The following MBTD1 variants were observed in gnomAD, a reference collection of about 807,000 sequenced individuals.
MBTD1 encodes the protein MBT domain-containing protein 1.
In MBTD1, 24 loss-of-function variants were observed where a neutral mutation model predicts 87.8. The observed-to-expected ratio is 0.27, with a 90% CI of 0.20 to 0.38. The LOEUF (loss-of-function observed/expected upper bound fraction) is 0.38, where lower values mean the gene tolerates loss of function less well. Among genes scored for constraint, MBTD1 ranks in the 10% least tolerant of loss-of-function variants. MBTD1 has a pLI of 1.00. For missense variants in MBTD1, 436 were observed against 760.2 expected (o/e 0.57, Z 5.02); for synonymous variants, 237 against 248.6 (o/e 0.95, Z 0.44).
chr17:51,246,607 A>T (rs962112842), intron 2 of MBTD1, among the ~76,000 whole-genome samples: 2 of 152,078 alleles, frequency 1.3e-5, no homozygotes, highest in African/African-American at 4.8e-5. Flanking sequence ...TCACTAACAA[A>T]CAATCTTTTC....
At chr17:51,181,982 G>A (rs2050332593) in intron 16 of MBTD1, among the ~76,000 whole-genome samples, 1 of 151,586 alleles carries the variant, frequency 6.6e-6, no homozygotes. Flanking sequence ...AACAGATGAG[G>A]TGGTCTTTTG....
At chr17:51,194,566 CAAAAAAAAA>C (rs71355733) in intron 13 of MBTD1, among the ~76,000 whole-genome samples, 2 of 19,752 alleles carry the variant, frequency 1.0e-4, no homozygotes, top group African/African-American at 2.6e-4. Flanking sequence ...GAGACTGTCT[CAAAAAAAAA>C]AAAAAAAAAA....
In MBTD1 at chr17:51,177,859, T is replaced by C. The variant is rs892525633; in HGVS notation, c.*2717A>G. On this transcript the variant is annotated 3_prime_UTR_variant, in exon 17 of 17. Coordinates refer to ENST00000586178, the MANE Select transcript of MBTD1 (RefSeq NM_017643.3). The stretch of plus-strand genomic sequence containing the variant: ...CAGTTTAATCACAGTATTTTTAAAA[T>C]CCCTTCCCAATATTAAAGGATCATT... 1 of 152,056 alleles carries C rather than the reference T, an allele frequency of 6.6e-6. No individual in the cohort carries two copies. Among genetic ancestry groups the C allele is most frequent in the Admixed American group, 6.6e-5 (1 of 15,244 alleles). 9.4% of individuals were successfully genotyped at this position (152,056 alleles called of 1,614,324 possible). A position where few individuals can be genotyped will look rare whatever the true frequency, so the allele number is the denominator to read the frequency against.
Position 51,206,214 on chromosome 17 carries a change from A to G in MBTD1, c.604+674T>C, listed in dbSNP as rs2051822862. Among the ~76,000 whole-genome samples the G allele has an allele frequency of 2.0e-5, 3 of 152,182 alleles. No individual in the cohort carries two copies. The South Asian group carries it at 6.2e-4, about 32-fold the overall frequency. On this transcript the variant is annotated intron_variant, in intron 7 of 16. Transcript: ENST00000586178. The stretch of plus-strand genomic sequence containing the variant: ...GGGAATAAACAGAACGGAAGAACCC[A>G]AGATATATAAAATTATCAACACTTG...
At chr17:51,202,209 G>A in intron 10 of MBTD1, 132 bp from the exon 11 acceptor site, 3 of 638,812 alleles carry the variant, frequency 4.7e-6, no homozygotes, top group Non-Finnish European at 8.3e-6. Flanking sequence ...TTCTACATTT[G>A]GGGTGAATAT....
intron 7 of MBTD1, 130 bp downstream of exon 7, chr17:51,206,758 C>CCAA: frequency 1.7e-6 from 1 of 591,050 alleles, no homozygotes; most frequent in South Asian, 2.4e-5. Flanking sequence ...AAACAATTTG[C>CCAA]CAACCCCTGC....
At chr17:51,243,614 A>G (rs1221438823) in intron 2 of MBTD1, among the ~76,000 whole-genome samples, 1 of 152,138 alleles carries the variant, frequency 6.6e-6, no homozygotes, top group Non-Finnish European at 1.5e-5. Context: ...TCTTTATAGC[A>G]TTTCCTCCTT....
chr17:51,259,890 C>G lies in MBTD1; in HGVS notation c.-168G>C, dbSNP rs966941972. 4.8e-5 allele frequency: 59 copies of G among 1,231,948 alleles called. No individual in the cohort carries two copies. In the African/African-American group the frequency reaches 7.1e-4, roughly 15 times the overall value. 76.3% of individuals were successfully genotyped at this position (1,231,948 alleles called of 1,614,324 possible). On this transcript the variant is annotated 5_prime_UTR_variant, in exon 1 of 17. Coordinates refer to ENST00000586178, the MANE Select transcript of MBTD1 (RefSeq NM_017643.3). ...ATGGGTAGGGGTTGTCCGTGCTCCC[C>G]GAGCCCGCGGCGCCCCCTCCCCGGG...
At chr17:51,243,337 C>A (rs2054258390) in intron 2 of MBTD1, among the ~76,000 whole-genome samples, 1 of 150,460 alleles carries the variant, frequency 6.6e-6, no homozygotes, top group Non-Finnish European at 1.5e-5. Flanking sequence ...TTTGAACTTT[C>A]AGGAAAGTTA....
chr17:51,242,387 C>T (rs1169728929), intron 2 of MBTD1, among the ~76,000 whole-genome samples: 1 of 152,114 alleles, frequency 6.6e-6, no homozygotes, highest in African/African-American at 2.4e-5. Context: ...TTTGCTCAAC[C>T]CTTTTAGACA....
chr17:51,222,427 C>G (rs1016762139), intron 3 of MBTD1, among the ~76,000 whole-genome samples: 2 of 151,946 alleles, frequency 1.3e-5, no homozygotes, highest in African/African-American at 4.8e-5. Context: ...TTTTTTGAGA[C>G]ACAGTCTCGC....
intron 6 of MBTD1, among the ~76,000 whole-genome samples, chr17:51,214,971 CAAAA>C (rs2052481867): frequency 1.3e-5 from 2 of 152,206 alleles, no homozygotes; most frequent in Non-Finnish European, 2.9e-5. Context: ...CTCTAAAGGA[CAAAA>C]TCAAGTGCAG....
chr17:51,204,497 T>TTATA (rs35086234), intron 7 of MBTD1, among the ~76,000 whole-genome samples: 434 of 144,514 alleles, frequency 3.0e-3, no homozygotes, highest in Middle Eastern at 0.011. Flanking sequence ...TTATATATAA[T>TTATA]TATATATATA....
intron 16 of MBTD1, among the ~76,000 whole-genome samples, chr17:51,190,750 A>T (rs7216566): frequency 0.11 from 3,984 of 36,472 alleles, 288 homozygotes; most frequent in African/African-American, 0.18. Context: ...AAAAAAAAAA[A>T]ATATATATAT....
intron 13 of MBTD1, among the ~76,000 whole-genome samples, chr17:51,194,308 G>A (rs920548987): frequency 2.0e-5 from 3 of 152,160 alleles, no homozygotes; most frequent in African/African-American, 7.2e-5. Flanking sequence ...AGTGGCTCAC[G>A]CCTATAATCC....
intron 6 of MBTD1, among the ~76,000 whole-genome samples, chr17:51,215,927 ATTT>A (rs35988235): frequency 2.6e-5 from 3 of 114,200 alleles, no homozygotes; most frequent in South Asian, 2.7e-4. Context: ...TAAAGCCCTA[ATTT>A]TTTTTTTTTT....
intron 12 of MBTD1, among the ~76,000 whole-genome samples, chr17:51,197,076 ATATATATAT>A: frequency 9.0e-5 from 1 of 11,104 alleles, no homozygotes; most frequent in Non-Finnish European, 1.5e-4. Context: ...ATATATATAT[ATATATATAT>A]ATATATATAT....
chr17:51,194,566 CAAAAAAAAAAAAAAAAAAA>C (rs71355733), intron 13 of MBTD1, among the ~76,000 whole-genome samples: 1 of 19,752 alleles, frequency 5.1e-5, no homozygotes, highest in African/African-American at 2.6e-4. Flanking sequence ...GAGACTGTCT[CAAAAAAAAAAAAAAAAAAA>C]AAAAAAAGTC....
intron 6 of MBTD1, 109 bp from the exon 7 acceptor site, chr17:51,207,114 C>A: frequency 1.8e-6 from 1 of 561,406 alleles, no homozygotes; most frequent in Admixed American, 3.2e-5. Context: ...CTAAAAATGT[C>A]ATTTTAATTC....
Sources: allele counts gnomAD v4.1 joint callset (sites outside exome capture counted in the v4.1 genomes callset), GRCh38; gene constraint gnomAD v4.1.1; transcripts MANE v1.5; gene names NCBI Gene and HGNC (gene_info 2026-07-23, HGNC 2026-07-21).